FGF10: variants seen among roughly 807,000 people sequenced by gnomAD.
The protein encoded by FGF10 is fibroblast growth factor 10.
Under a neutral mutation model 19.8 loss-of-function variants are expected in FGF10, and 2 were observed. The ratio of observed to expected loss-of-function variants is 0.10; its 90% confidence interval spans 0.04 to 0.32. The LOEUF is 0.32. FGF10 is among the 10% of genes least tolerant of loss of function. The probability of loss-of-function intolerance (pLI) is 1.00; values close to 1 mark genes in which losing one functional copy is unlikely to be tolerated. For synonymous variants in FGF10, 112 were observed against 94.0 expected (o/e 1.19, Z -1.10); for missense variants, 191 against 246.3 (o/e 0.78, Z 1.50).
chr5:44,336,838 A>G (rs560854512), intron 1 of FGF10, among the ~76,000 whole-genome samples: 2 of 152,206 alleles, frequency 1.3e-5, no homozygotes, highest in East Asian at 3.9e-4. Flanking sequence ...GCAACTTTTC[A>G]TCTTAGTTAC....
At chr5:44,352,975 A>T (rs746884626) in intron 1 of FGF10, among the ~76,000 whole-genome samples, 2 of 151,628 alleles carry the variant, frequency 1.3e-5, no homozygotes, top group Non-Finnish European at 3.0e-5. Context: ...GTTCTTAGAG[A>T]AAATGTTTTG....
chr5:44,348,277 G>A (rs1741132259), intron 1 of FGF10, among the ~76,000 whole-genome samples: 1 of 151,688 alleles, frequency 6.6e-6, no homozygotes, highest in African/African-American at 2.4e-5. Flanking sequence ...ACTGGCAATA[G>A]TAGGATGAAA....
At chr5:44,311,145 G>A (rs1256735410) in intron 1 of FGF10, among the ~76,000 whole-genome samples, 3 of 151,660 alleles carry the variant, frequency 2.0e-5, no homozygotes, top group African/African-American at 7.3e-5. Context: ...GCTCTGTGTT[G>A]GGGGAAAATC....
At chr5:44,387,752 C>G (rs920029648) in intron 1 of FGF10, among the ~76,000 whole-genome samples, 1 of 151,900 alleles carries the variant, frequency 6.6e-6, no homozygotes, top group African/African-American at 2.4e-5. Context: ...CAAAACAAAA[C>G]AAAACAAAAC....
intron 1 of FGF10, 130 bp from the exon 2 acceptor site, chr5:44,310,660 A>ACAAACAAG (rs1256037101): frequency 3.0e-6 from 2 of 677,052 alleles, no homozygotes; most frequent in Admixed American, 2.4e-5. Flanking sequence ...ACATTGGTAA[A>ACAAACAAG]CAAACAAGCA....
At chr5:44,383,318 G>A (rs145525229) in intron 1 of FGF10, among the ~76,000 whole-genome samples, 36 of 152,152 alleles carry the variant, frequency 2.4e-4, no homozygotes, top group Admixed American at 4.6e-4. Flanking sequence ...ACTCTAAACT[G>A]GATAGCATAA....
In FGF10 at chr5:44,388,621, C is replaced by T. The variant is rs1272336613; in HGVS notation, c.62G>A (p.Cys21Tyr). 1 of 1,614,086 alleles carries T rather than the reference C, an allele frequency of 6.2e-7. No individual in the cohort carries two copies. Among genetic ancestry groups the T allele is most frequent in the Non-Finnish European group, 8.5e-7 (1 of 1,180,020 alleles). ...SAFPHLPGCC[C>Y]CCFLLLFLVS... ...CAAGAACAGCAACAAAAAGCAGCAG[C>T]AGCAGCAGCCGGGCAGGTGGGGAAA... Residue 21 changes from cysteine (C) to tyrosine (Y), a missense_variant, in exon 1 of 3, where the codon TGC becomes TAC. Cys to Tyr is a radical substitution (Grantham distance 194). Around this residue, in one of 2 missense-constraint regions of FGF10, gnomAD observed 92 missense variants for 84.6 expected, o/e 1.09. Transcript: ENST00000264664.
intron 1 of FGF10, among the ~76,000 whole-genome samples, chr5:44,334,810 T>C (rs1259836744): frequency 6.6e-6 from 1 of 152,152 alleles, no homozygotes; most frequent in East Asian, 1.9e-4. Flanking sequence ...TTTAGTCAGC[T>C]GACAAATAAA....
At chr5:44,369,970 T>G (rs1246475036) in intron 1 of FGF10, among the ~76,000 whole-genome samples, 2 of 152,082 alleles carry the variant, frequency 1.3e-5, no homozygotes, top group Non-Finnish European at 2.9e-5. Context: ...AATTTTATTG[T>G]TTTTTAGAGA....
chr5:44,386,003 G>C (rs1034674734), intron 1 of FGF10, among the ~76,000 whole-genome samples: 1 of 152,034 alleles, frequency 6.6e-6, no homozygotes, highest in African/African-American at 2.4e-5. Flanking sequence ...GATTAAGATT[G>C]CATTACCATA....
chr5:44,375,392 A>C (rs1347651619), intron 1 of FGF10, among the ~76,000 whole-genome samples: 1 of 152,128 alleles, frequency 6.6e-6, no homozygotes, highest in African/African-American at 2.4e-5. Flanking sequence ...AAAGAAGAAG[A>C]GCTGGGAAAG....
chr5:44,373,406 A>G (rs1741786620), intron 1 of FGF10, among the ~76,000 whole-genome samples: 1 of 152,128 alleles, frequency 6.6e-6, no homozygotes, highest in Non-Finnish European at 1.5e-5. Context: ...TGCTATTTTG[A>G]TTCTGCTTAA....
chr5:44,387,741 CCAAAACAAAACAAAA>C (rs148064270), intron 1 of FGF10, among the ~76,000 whole-genome samples: 1 of 151,788 alleles, frequency 6.6e-6, no homozygotes, highest in Non-Finnish European at 1.5e-5. Context: ...CATAAGGGAC[CCAAAACAAAACAAAA>C]CAAAACAAAA....
At chr5:44,307,493 A>T (rs1272361841) in intron 2 of FGF10, among the ~76,000 whole-genome samples, 1 of 152,198 alleles carries the variant, frequency 6.6e-6, no homozygotes, top group Non-Finnish European at 1.5e-5. Flanking sequence ...CTCAAAATAC[A>T]ATAGATAAAT....
At chr5:44,351,745 C>A (rs1446788779) in intron 1 of FGF10, among the ~76,000 whole-genome samples, 1 of 151,538 alleles carries the variant, frequency 6.6e-6, no homozygotes, top group Non-Finnish European at 1.5e-5. Context: ...TATGAATTTC[C>A]ATTCTTGCAG....
chr5:44,327,877 A>G (rs1740648126), intron 1 of FGF10, among the ~76,000 whole-genome samples: 1 of 152,218 alleles, frequency 6.6e-6, no homozygotes, highest in African/African-American at 2.4e-5. Context: ...GTTGACAAAG[A>G]CAGCTGCTAA....
chr5:44,332,020 C>A (rs1416661155), intron 1 of FGF10, among the ~76,000 whole-genome samples: 3 of 151,974 alleles, frequency 2.0e-5, no homozygotes, highest in Non-Finnish European at 2.9e-5. Context: ...ATCTCCCCAC[C>A]TCTTCAGAAA....
intron 1 of FGF10, among the ~76,000 whole-genome samples, chr5:44,359,030 G>C (rs9885217): frequency 7.3e-5 from 11 of 151,478 alleles, no homozygotes; most frequent in African/African-American, 2.4e-4. Flanking sequence ...GCTTATCCTT[G>C]GCATACACAA....
At chr5:44,341,184 G>A (rs1476290852) in intron 1 of FGF10, among the ~76,000 whole-genome samples, 3 of 151,948 alleles carry the variant, frequency 2.0e-5, no homozygotes, top group Non-Finnish European at 4.4e-5. Flanking sequence ...ATAGCATAAT[G>A]TTTTACAATG....
Sources: gnomAD v4.1 joint callset for allele counts (sites outside exome capture counted in the v4.1 genomes callset) on GRCh38, gnomAD v4.1.1 for gene constraint, gnomAD v4.1.1 regional missense constraint, MANE v1.5 for transcripts, NCBI Gene and HGNC (gene_info 2026-07-23, HGNC 2026-07-21) for gene names.